The following EYS variants were observed in gnomAD, a reference collection of about 807,000 sequenced individuals.
EYS encodes the protein protein eyes shut homolog.
A neutral mutation model predicts 282.1 loss-of-function variants in EYS; 250 were observed. That is an observed-to-expected ratio of 0.89 (90% CI 0.80 to 0.98). The LOEUF (loss-of-function observed/expected upper bound fraction) is 0.98. Ranked by LOEUF, EYS falls within the 50% of genes least tolerant of loss-of-function variation. EYS has a pLI of 0.00. For missense variants in EYS, 4,016 were observed against 3,709.0 expected (o/e 1.08, Z -2.15); for synonymous variants, 1,355 against 1,282.9 (o/e 1.06, Z -1.20).
chr6:65,525,098 T>C (rs928719490), intron 2 of EYS, among the ~76,000 whole-genome samples: 1 of 151,920 alleles, frequency 6.6e-6, no homozygotes, highest in Admixed American at 6.6e-5. Context: ...GGGATACATG[T>C]GCTGAACATG....
intron 19 of EYS, among the ~76,000 whole-genome samples, chr6:64,875,057 G>GGAA (rs1404340735): frequency 6.6e-6 from 1 of 152,070 alleles, no homozygotes; most frequent in Admixed American, 6.6e-5. Context: ...GTTTACTGCA[G>GGAA]GAAGTATCAA....
intron 31 of EYS, among the ~76,000 whole-genome samples, chr6:64,211,144 C>T (rs1179844921): frequency 3.3e-5 from 5 of 152,058 alleles, no homozygotes; most frequent in Non-Finnish European, 7.3e-5. Flanking sequence ...TGAACCCATG[C>T]CTCTAATTAA....
intron 2 of EYS, among the ~76,000 whole-genome samples, chr6:65,612,051 T>C (rs558905215): frequency 6.6e-6 from 1 of 151,936 alleles, no homozygotes; most frequent in African/African-American, 2.4e-5. Context: ...ACAATTTCAC[T>C]AGCAAAGTCC....
intron 1 of EYS, among the ~76,000 whole-genome samples, chr6:65,701,982 G>A (rs1352220523): frequency 6.6e-6 from 1 of 152,148 alleles, no homozygotes; most frequent in Non-Finnish European, 1.5e-5. Flanking sequence ...TCAAGCTGAA[G>A]CCAAACTTAT....
chr6:64,361,849 G>T (rs2150409021), intron 29 of EYS, among the ~76,000 whole-genome samples: 1 of 151,820 alleles, frequency 6.6e-6, no homozygotes, highest in Admixed American at 6.6e-5. Context: ...ATGTAAGTTG[G>T]ATGTGTACAT....
intron 26 of EYS, among the ~76,000 whole-genome samples, chr6:64,515,430 C>G (rs949833770): frequency 6.6e-6 from 1 of 150,868 alleles, no homozygotes; most frequent in Admixed American, 6.6e-5. Flanking sequence ...TTATTTTTTG[C>G]TAAAAAAATT....
At chr6:64,869,086 T>C (rs1320594070) in intron 19 of EYS, among the ~76,000 whole-genome samples, 1 of 151,578 alleles carries the variant, frequency 6.6e-6, no homozygotes, top group African/African-American at 2.4e-5. Flanking sequence ...GTTATCATTT[T>C]ATCATACCTT....
intron 35 of EYS, among the ~76,000 whole-genome samples, chr6:63,968,980 T>C (rs961021499): frequency 6.6e-6 from 1 of 152,344 alleles, no homozygotes; most frequent in Admixed American, 6.5e-5. Flanking sequence ...TTTTAAATAA[T>C]AGCATAATAC....
intron 1 of EYS, among the ~76,000 whole-genome samples, chr6:65,667,597 G>A (rs532712275): frequency 5.3e-5 from 8 of 151,690 alleles, no homozygotes; most frequent in African/African-American, 1.4e-4. Flanking sequence ...TTCTTATCAC[G>A]AATACCCTTA....
intron 1 of EYS, among the ~76,000 whole-genome samples, chr6:65,685,555 A>C (rs931797221): frequency 1.3e-5 from 2 of 152,082 alleles, no homozygotes; most frequent in African/African-American, 4.8e-5. Flanking sequence ...AGAAAAGTAA[A>C]GTATTTTCCT....
At chr6:64,156,194 G>A (rs1329638407) in intron 31 of EYS, among the ~76,000 whole-genome samples, 1 of 151,898 alleles carries the variant, frequency 6.6e-6, no homozygotes, top group Non-Finnish European at 1.5e-5. Flanking sequence ...TGAATCATGG[G>A]GGTGGTTTCC....
chr6:64,355,343 A>T (rs1413075340), intron 29 of EYS, among the ~76,000 whole-genome samples: 1 of 151,598 alleles, frequency 6.6e-6, no homozygotes, highest in Admixed American at 6.6e-5. Context: ...CTCATTAGTA[A>T]AATGGGAATA....
chr6:64,368,695 C>T (rs1398585658), intron 29 of EYS, among the ~76,000 whole-genome samples: 2 of 152,084 alleles, frequency 1.3e-5, no homozygotes, highest in Non-Finnish European at 2.9e-5. Context: ...TTGTTGCCCA[C>T]ATGTGTGTCT....
At chr6:64,854,049 GA>G in intron 19 of EYS, among the ~76,000 whole-genome samples, 1 of 151,904 alleles carries the variant, frequency 6.6e-6, no homozygotes, top group African/African-American at 2.4e-5. Flanking sequence ...ACCACAGTGA[GA>G]TACCATCTCA....
At chr6:65,344,553 G>C (rs1449061169) in intron 9 of EYS, among the ~76,000 whole-genome samples, 3 of 151,580 alleles carry the variant, frequency 2.0e-5, no homozygotes, top group Admixed American at 6.6e-5. Flanking sequence ...GAAGAAAGAA[G>C]TGACCTATAT....
At chr6:64,882,827 A>G (rs1175458419) in intron 19 of EYS, among the ~76,000 whole-genome samples, 1 of 151,616 alleles carries the variant, frequency 6.6e-6, no homozygotes, top group Non-Finnish European at 1.5e-5. Context: ...TTTGATGGAG[A>G]GAAGAGATAA....
intron 13 of EYS, among the ~76,000 whole-genome samples, chr6:65,028,673 T>A (rs757656232): frequency 3.9e-5 from 6 of 152,080 alleles, no homozygotes; most frequent in Non-Finnish European, 5.9e-5. Context: ...TTATCCTCAG[T>A]GCATATCAGT....
intron 36 of EYS, among the ~76,000 whole-genome samples, chr6:63,850,824 A>G (rs1772227617): frequency 6.6e-6 from 1 of 152,226 alleles, no homozygotes; most frequent in Non-Finnish European, 1.5e-5. Context: ...ACACATAACA[A>G]TATTAACCTT....
chr6:65,381,777 C>T (rs1417585962), intron 8 of EYS, among the ~76,000 whole-genome samples: 1 of 151,754 alleles, frequency 6.6e-6, no homozygotes, highest in East Asian at 1.9e-4. Context: ...CAATATAACT[C>T]ACATATAGTT....
Sources: gnomAD v4.1 joint callset for allele counts (sites outside exome capture counted in the v4.1 genomes callset) on GRCh38, gnomAD v4.1.1 for gene constraint, MANE v1.5 for transcripts, NCBI Gene and HGNC (gene_info 2026-07-23, HGNC 2026-07-21) for gene names.